The following PLCE1 variants were observed in gnomAD, a reference collection of about 807,000 sequenced individuals.
PLCE1 encodes 1-phosphatidylinositol 4,5-bisphosphate phosphodiesterase epsilon-1.
A neutral mutation model predicts 242.8 loss-of-function variants in PLCE1; 119 were observed. The observed-to-expected ratio is 0.49, with a 90% CI of 0.42 to 0.57. PLCE1 has a LOEUF of 0.57. PLCE1 is among the 20% of genes least tolerant of loss of function. PLCE1 has a pLI of 0.00. For synonymous variants in PLCE1, 945 were observed against 1,017.4 expected (o/e 0.93, Z 1.35); for missense variants, 2,441 against 2,788.8 (o/e 0.88, Z 2.81).
chr10:94,257,746 G>A (rs1303986638), intron 11 of PLCE1, among the ~76,000 whole-genome samples: 1 of 152,186 alleles, frequency 6.6e-6, no homozygotes, highest in Non-Finnish European at 1.5e-5. Flanking sequence ...ACAGGGCGGG[G>A]AATATCACAC....
chr10:94,008,252 C>A (rs942066804), intron 1 of PLCE1, among the ~76,000 whole-genome samples: 3 of 144,962 alleles, frequency 2.1e-5, no homozygotes, highest in Non-Finnish European at 4.5e-5. Flanking sequence ...GTAAATTTAT[C>A]TAGATCTAAG....
intron 24 of PLCE1, among the ~76,000 whole-genome samples, chr10:94,302,322 G>T (rs151325579): frequency 6.6e-6 from 1 of 152,264 alleles, no homozygotes; most frequent in Non-Finnish European, 1.5e-5. Flanking sequence ...AACCACCATG[G>T]CACATGTTTA....
At chr10:94,071,492 TTC>T in intron 2 of PLCE1, among the ~76,000 whole-genome samples, 1 of 134,300 alleles carries the variant, frequency 7.4e-6, no homozygotes, top group Admixed American at 7.5e-5. Flanking sequence ...GTGTTTGGTT[TTC>T]GTTTTTTTTT....
At chr10:94,266,079 G>A in intron 16 of PLCE1, 121 bp downstream of exon 16, 2 of 888,302 alleles carry the variant, frequency 2.3e-6, no homozygotes, top group Non-Finnish European at 3.6e-6. Context: ...GCTATTACAT[G>A]TCAAATGTGA....
chr10:94,115,216 G>C (rs139076179), intron 2 of PLCE1, among the ~76,000 whole-genome samples: 1 of 151,988 alleles, frequency 6.6e-6, no homozygotes. Context: ...TGAATAGTGC[G>C]GCAATAAACA....
At chr10:94,043,464 G>A (rs2061812007) in intron 2 of PLCE1, among the ~76,000 whole-genome samples, 1 of 152,200 alleles carries the variant, frequency 6.6e-6, no homozygotes, top group Admixed American at 6.5e-5. Context: ...ACCATGCTGA[G>A]TAGCTTAGCT....
intron 3 of PLCE1, among the ~76,000 whole-genome samples, chr10:94,146,600 C>T (rs1303330963): frequency 6.6e-6 from 1 of 152,124 alleles, no homozygotes; most frequent in East Asian, 1.9e-4. Flanking sequence ...ATCCGTAGCC[C>T]TGACTTGAAC....
In PLCE1 at chr10:94,233,932, A is replaced by G; in HGVS notation, c.1956-122A>G. On this transcript the variant is annotated intron_variant, in intron 5 of 32. Transcript: ENST00000371380. ...CACTGCACTCCAGCCTGGGCAACAG[A>G]GTGAGACTCCACCTAAAAAAAAAAA... 3.5e-6 allele frequency: 3 copies of G among 858,482 alleles called. No individual in the cohort carries two copies. The East Asian group carries it at 8.0e-5, about 23-fold the overall frequency. 53.2% of individuals were successfully genotyped at this position (858,482 alleles called of 1,614,324 possible).
chr10:94,313,357 C>A lies in PLCE1; in HGVS notation c.6107C>A (p.Thr2036Asn). ...PFTVFTINGG[T>N]KAKQLLQQIL... ...ACCGTTTTCACTATTAATGGAGGCA[C>A]CAAGGCAAAGCAGCTTCTGCAGCAA... is the stretch of plus-strand genomic sequence containing the variant. Residue 2036 changes from threonine to asparagine, a missense_variant, in exon 28 of 33, where the codon ACC becomes AAC. Coordinates refer to ENST00000371380, the MANE Select transcript of PLCE1 (RefSeq NM_016341.4). 6.2e-7 allele frequency: 1 copy of A among 1,614,116 alleles called. No homozygotes were observed. The highest frequency in any genetic ancestry group is 8.5e-7 in the Non-Finnish European group (1 of 1,180,000).
At chr10:94,226,528 A>AT (rs1273171861) in intron 4 of PLCE1, among the ~76,000 whole-genome samples, 1 of 152,132 alleles carries the variant, frequency 6.6e-6, no homozygotes, top group African/African-American at 2.4e-5. Flanking sequence ...TGTTCATAAT[A>AT]TTTTGTCATT....
intron 1 of PLCE1, among the ~76,000 whole-genome samples, chr10:94,003,757 G>A (rs1170756565): frequency 6.6e-6 from 1 of 152,140 alleles, no homozygotes; most frequent in Non-Finnish European, 1.5e-5. Flanking sequence ...CATGGATTGG[G>A]TAATTGGGGC....
chr10:94,090,225 G>C (rs543915427), intron 2 of PLCE1, among the ~76,000 whole-genome samples: 1 of 151,828 alleles, frequency 6.6e-6, no homozygotes, highest in African/African-American at 2.4e-5. Flanking sequence ...AAACTGTTTT[G>C]TTTCTCTGTA....
chr10:94,270,195 C>T (rs2051675631), intron 17 of PLCE1, among the ~76,000 whole-genome samples: 1 of 152,058 alleles, frequency 6.6e-6, no homozygotes, highest in African/African-American at 2.4e-5. Flanking sequence ...TGTCTTTTAC[C>T]TGCAATATAC....
chr10:94,085,281 T>C (rs1261380730), intron 2 of PLCE1, among the ~76,000 whole-genome samples: 1 of 152,172 alleles, frequency 6.6e-6, no homozygotes, highest in Non-Finnish European at 1.5e-5. Context: ...TGGTACTGGC[T>C]TGTTTATGTG....
At chr10:93,999,196 T>C (rs2060886085) in intron 1 of PLCE1, among the ~76,000 whole-genome samples, 1 of 152,192 alleles carries the variant, frequency 6.6e-6, no homozygotes, top group Non-Finnish European at 1.5e-5. Flanking sequence ...AGAATGATAA[T>C]ATAGCTAGCA....
In PLCE1 at chr10:94,328,405, A is replaced by G. The variant is rs557892932; in HGVS notation, c.*462A>G. 2.0e-5 allele frequency: 3 copies of G among 153,404 alleles called. No homozygotes were observed. The highest frequency in any genetic ancestry group is 6.5e-5 in the Admixed American group (1 of 15,468). The allele number at this position is 153,404 out of a possible 1,614,324, so 9.5% of individuals were successfully genotyped here. ...ATGGACACTGAAATTGGAATTTCAT[A>G]TATTTTTCACATGTCACAAATACTC... On this transcript the variant is annotated 3_prime_UTR_variant, in exon 33 of 33. Coordinates refer to ENST00000371380, the MANE Select transcript of PLCE1 (RefSeq NM_016341.4).
chr10:94,227,242 T>TG, intron 4 of PLCE1, 64 bp from the exon 5 acceptor site: 1 of 1,500,122 alleles, frequency 6.7e-7, no homozygotes, highest in Non-Finnish European at 9.3e-7. Context: ...AGAATGCTTT[T>TG]GGAAAAAAAA....
At chr10:94,304,431 A>AT in intron 24 of PLCE1, 51 bp from the exon 25 acceptor site, 1 of 1,522,526 alleles carries the variant, frequency 6.6e-7, no homozygotes, top group South Asian at 1.1e-5. Context: ...GGTGATACTT[A>AT]AGCGACAAAG....
intron 32 of PLCE1, among the ~76,000 whole-genome samples, chr10:94,325,902 A>G (rs1202340698): frequency 6.6e-6 from 1 of 152,248 alleles, no homozygotes; most frequent in Non-Finnish European, 1.5e-5. Context: ...AATTAAAAAA[A>G]TAAAAATCTG....
Sources: allele counts gnomAD v4.1 joint callset (sites outside exome capture counted in the v4.1 genomes callset), GRCh38; gene constraint gnomAD v4.1.1; transcripts MANE v1.5; gene names NCBI Gene and HGNC (gene_info 2026-07-23, HGNC 2026-07-21).